The following PRKG1 variants were observed in gnomAD, a reference collection of about 807,000 sequenced individuals.
The protein encoded by PRKG1 is cGMP-dependent protein kinase 1.
PRKG1 carries 35 observed loss-of-function variants against 88.1 expected under a neutral mutation model. The observed-to-expected ratio is 0.40, with a 90% CI of 0.30 to 0.53. The LOEUF (loss-of-function observed/expected upper bound fraction) is 0.53. Among genes scored for constraint, PRKG1 ranks in the 20% least tolerant of loss-of-function variants. The pLI is 0.59. For synonymous variants in PRKG1, 303 were observed against 292.5 expected (o/e 1.04, Z -0.37); for missense variants, 540 against 839.8 (o/e 0.64, Z 4.41).
intron 1 of PRKG1, among the ~76,000 whole-genome samples, chr10:51,142,536 G>T (rs1490490948): frequency 6.6e-6 from 1 of 152,052 alleles, no homozygotes; most frequent in African/African-American, 2.4e-5. Flanking sequence ...TAGAGAGAGA[G>T]AGAGAGACAG....
intron 9 of PRKG1, among the ~76,000 whole-genome samples, chr10:52,216,039 A>G (rs1840103068): frequency 6.6e-6 from 1 of 152,196 alleles, no homozygotes; most frequent in South Asian, 2.1e-4. Context: ...CAAACTGTAC[A>G]CCCAGAGACC....
intron 3 of PRKG1, among the ~76,000 whole-genome samples, chr10:51,740,928 GAA>G (rs111889565): frequency 3.3e-5 from 4 of 121,344 alleles, no homozygotes; most frequent in African/African-American, 1.1e-4. Context: ...TCCCAAAACT[GAA>G]AAAAAAAAAA....
chr10:52,248,259 T>G (rs531257821), intron 9 of PRKG1, among the ~76,000 whole-genome samples: 27 of 152,338 alleles, frequency 1.8e-4, no homozygotes, highest in African/African-American at 6.3e-4. Context: ...TGGCCAGTCT[T>G]CGGGCCAGTT....
chr10:51,678,206 G>A (rs921335940), intron 3 of PRKG1, among the ~76,000 whole-genome samples: 1 of 152,126 alleles, frequency 6.6e-6, no homozygotes, highest in African/African-American at 2.4e-5. Context: ...AGCTCCACAA[G>A]CTATTCTTGA....
intron 3 of PRKG1, among the ~76,000 whole-genome samples, chr10:51,607,478 TTGA>T (rs1342096451): frequency 6.6e-6 from 1 of 152,198 alleles, no homozygotes; most frequent in Admixed American, 6.5e-5. Flanking sequence ...AAAAGGAAAG[TTGA>T]TGACATTTCT....
chr10:51,665,342 G>A (rs928257664), intron 3 of PRKG1, among the ~76,000 whole-genome samples: 3 of 152,056 alleles, frequency 2.0e-5, no homozygotes, highest in Non-Finnish European at 2.9e-5. Flanking sequence ...ATTTTACATT[G>A]CCTTGCTCAA....
At chr10:51,080,975 A>T (rs1208369170) in intron 1 of PRKG1, among the ~76,000 whole-genome samples, 1 of 152,240 alleles carries the variant, frequency 6.6e-6, no homozygotes, top group African/African-American at 2.4e-5. Flanking sequence ...AAACAATAGC[A>T]CAAAAACTTC....
chr10:51,642,740 A>T (rs1031555617), intron 3 of PRKG1, among the ~76,000 whole-genome samples: 10 of 152,226 alleles, frequency 6.6e-5, no homozygotes, highest in African/African-American at 2.4e-4. Flanking sequence ...ATAATTAACA[A>T]TGGGCTTATT....
intron 12 of PRKG1, among the ~76,000 whole-genome samples, chr10:52,274,856 T>C (rs901736432): frequency 1.3e-5 from 2 of 152,052 alleles, no homozygotes; most frequent in African/African-American, 4.8e-5. Flanking sequence ...GGTTTTTTGA[T>C]TTTTTGATTA....
At chr10:51,277,646 G>C (rs1437185027) in intron 2 of PRKG1, among the ~76,000 whole-genome samples, 1 of 152,160 alleles carries the variant, frequency 6.6e-6, no homozygotes, top group African/African-American at 2.4e-5. Context: ...GCAGTGGTTT[G>C]TAGTTCTCCT....
At chr10:51,240,497 T>C (rs1041575413) in intron 2 of PRKG1, among the ~76,000 whole-genome samples, 14 of 152,228 alleles carry the variant, frequency 9.2e-5, no homozygotes, top group African/African-American at 2.9e-4. Flanking sequence ...TTACTATCCT[T>C]GTACAAAGTC....
intron 2 of PRKG1, among the ~76,000 whole-genome samples, chr10:51,458,083 G>T (rs181523234): frequency 1.3e-5 from 2 of 152,136 alleles, no homozygotes; most frequent in Admixed American, 1.3e-4. Context: ...TTAAAACAAT[G>T]TGCAGGTAGA....
chr10:51,854,249 C>T (rs767711638), intron 4 of PRKG1, among the ~76,000 whole-genome samples: 3 of 151,932 alleles, frequency 2.0e-5, no homozygotes, highest in Non-Finnish European at 4.4e-5. Flanking sequence ...TTGATTTGAC[C>T]TACTGGGATT....
chr10:51,216,261 T>C (rs1327144782), intron 2 of PRKG1, among the ~76,000 whole-genome samples: 1 of 152,238 alleles, frequency 6.6e-6, no homozygotes, highest in African/African-American at 2.4e-5. Context: ...CATTCAGCAT[T>C]GCTCTTCATT....
At chr10:52,143,033 C>A (rs1334900005) in intron 8 of PRKG1, among the ~76,000 whole-genome samples, 1 of 87,980 alleles carries the variant, frequency 1.1e-5, no homozygotes, top group African/African-American at 4.4e-5. Flanking sequence ...GTAATTTGAG[C>A]AGCAAAGTGT....
chr10:51,124,781 G>T (rs907265510), intron 1 of PRKG1, among the ~76,000 whole-genome samples: 7 of 152,146 alleles, frequency 4.6e-5, no homozygotes, highest in Non-Finnish European at 1.0e-4. Flanking sequence ...CTGAATGAAA[G>T]ACTTGAGTTA....
At chr10:51,971,834 T>A (rs1843720774) in intron 5 of PRKG1, among the ~76,000 whole-genome samples, 1 of 152,138 alleles carries the variant, frequency 6.6e-6, no homozygotes, top group Admixed American at 6.6e-5. Flanking sequence ...TGAAAAAATA[T>A]TTGCTATTAA....
chr10:51,773,081 G>A (rs569780181), intron 3 of PRKG1, among the ~76,000 whole-genome samples: 1 of 152,078 alleles, frequency 6.6e-6, no homozygotes, highest in East Asian at 1.9e-4. Context: ...ACTAAAATAA[G>A]TGTTTTAGTC....
At chr10:51,399,517 C>G (rs1186535049) in intron 2 of PRKG1, among the ~76,000 whole-genome samples, 6 of 152,334 alleles carry the variant, frequency 3.9e-5, no homozygotes, top group Middle Eastern at 6.8e-3. Flanking sequence ...TTTCCGGTAT[C>G]TGAACCCCTT....
Sources: gnomAD v4.1 joint callset for allele counts (sites outside exome capture counted in the v4.1 genomes callset) on GRCh38, gnomAD v4.1.1 for gene constraint, MANE v1.5 for transcripts, NCBI Gene and HGNC (gene_info 2026-07-23, HGNC 2026-07-21) for gene names.